ASTN2: variants seen among roughly 807,000 people sequenced by gnomAD.
ASTN2 encodes the protein astrotactin-2.
In ASTN2, 54 loss-of-function variants were observed where a neutral mutation model predicts 139.8. The ratio of observed to expected loss-of-function variants is 0.39; its 90% CI spans 0.31 to 0.48. The LOEUF (loss-of-function observed/expected upper bound fraction) is 0.48. Ranked by LOEUF, ASTN2 falls within the 20% of genes least tolerant of loss-of-function variation. The pLI is 0.95. For missense variants in ASTN2, 1,565 were observed against 1,725.1 expected (o/e 0.91, Z 1.64); for synonymous variants, 756 against 719.5 (o/e 1.05, Z -0.81).
At chr9:117,072,859 G>A (rs1828171738) in intron 5 of ASTN2, among the ~76,000 whole-genome samples, 1 of 152,090 alleles carries the variant, frequency 6.6e-6, no homozygotes, top group Non-Finnish European at 1.5e-5. Flanking sequence ...GCATACAAAG[G>A]GTTAGGTATC....
intron 13 of ASTN2, among the ~76,000 whole-genome samples, chr9:116,794,715 G>A (rs1184682264): frequency 2.0e-5 from 3 of 152,166 alleles, no homozygotes; most frequent in Admixed American, 2.0e-4. Context: ...ATCTGCCTAT[G>A]CCCCTCAAAC....
At chr9:116,500,822 T>A (rs1849829187) in intron 19 of ASTN2, among the ~76,000 whole-genome samples, 2 of 152,160 alleles carry the variant, frequency 1.3e-5, no homozygotes, top group Non-Finnish European at 2.9e-5. Context: ...TGGTAAATAA[T>A]AAACAGCAGC....
chr9:117,345,561 G>A (rs1829190609), intron 1 of ASTN2, among the ~76,000 whole-genome samples: 1 of 152,158 alleles, frequency 6.6e-6, no homozygotes, highest in South Asian at 2.1e-4. Context: ...GGCAGAGCTT[G>A]GTTTTCAAAC....
At chr9:117,392,513 C>T (rs1830569009) in intron 1 of ASTN2, among the ~76,000 whole-genome samples, 1 of 152,174 alleles carries the variant, frequency 6.6e-6, no homozygotes, top group Non-Finnish European at 1.5e-5. Context: ...AAGAGCTCCT[C>T]TTAATACCGA....
At chr9:116,653,853 C>G (rs1858058780) in intron 16 of ASTN2, among the ~76,000 whole-genome samples, 3 of 152,198 alleles carry the variant, frequency 2.0e-5, no homozygotes, top group African/African-American at 7.2e-5. Flanking sequence ...TTATGAGCAT[C>G]AGATCAAAGG....
At chr9:116,509,919 C>G (rs894953126) in intron 19 of ASTN2, among the ~76,000 whole-genome samples, 16 of 152,032 alleles carry the variant, frequency 1.1e-4, no homozygotes, top group Non-Finnish European at 1.8e-4. Flanking sequence ...CTTTGTCAGA[C>G]AGGTAGATTG....
chr9:116,982,107 G>C (rs1297620924), intron 7 of ASTN2, among the ~76,000 whole-genome samples: 3 of 152,218 alleles, frequency 2.0e-5, no homozygotes, highest in Non-Finnish European at 4.4e-5. Context: ...CTTCCAAACA[G>C]GACAATGCTT....
chr9:116,839,882 T>TTATTATTATTA (rs1491254776), intron 11 of ASTN2, among the ~76,000 whole-genome samples: 8 of 61,818 alleles, frequency 1.3e-4, no homozygotes, highest in African/African-American at 4.9e-4. Context: ...ATTATTATTA[T>TTATTATTATTA]TTTTTTTTTT....
At chr9:117,250,993 G>T (rs1833520342) in intron 2 of ASTN2, among the ~76,000 whole-genome samples, 1 of 152,200 alleles carries the variant, frequency 6.6e-6, no homozygotes. Context: ...GTTCAGAAGG[G>T]CTGAAGCAGG....
At chr9:116,645,650 C>G (rs926561468) in intron 17 of ASTN2, among the ~76,000 whole-genome samples, 1 of 152,142 alleles carries the variant, frequency 6.6e-6, no homozygotes, top group South Asian at 2.1e-4. Context: ...AGCCTCTACT[C>G]CAGGGGTAGG....
intron 3 of ASTN2, among the ~76,000 whole-genome samples, chr9:117,148,697 G>A (rs533539411): frequency 6.6e-6 from 1 of 152,102 alleles, no homozygotes; most frequent in African/African-American, 2.4e-5. Context: ...CAGGTATTTG[G>A]CCAAACATTA....
intron 2 of ASTN2, among the ~76,000 whole-genome samples, chr9:117,241,841 G>C (rs926386898): frequency 6.6e-6 from 1 of 151,734 alleles, no homozygotes; most frequent in Non-Finnish European, 1.5e-5. Context: ...GAGAACATGT[G>C]ATCCTTCTAA....
intron 10 of ASTN2, among the ~76,000 whole-genome samples, chr9:116,949,129 C>T (rs575546355): frequency 1.6e-4 from 24 of 151,984 alleles, no homozygotes; most frequent in Admixed American, 1.1e-3. Flanking sequence ...TAGTACTTCT[C>T]AAAATATATC....
At chr9:116,646,027 CTT>C (rs767288065) in intron 17 of ASTN2, among the ~76,000 whole-genome samples, 1 of 152,170 alleles carries the variant, frequency 6.6e-6, no homozygotes, top group Non-Finnish European at 1.5e-5. Context: ...TTCATTATCT[CTT>C]TTGATTCCCA....
intron 1 of ASTN2, among the ~76,000 whole-genome samples, chr9:117,333,338 G>A (rs1452684637): frequency 6.6e-6 from 1 of 152,032 alleles, no homozygotes; most frequent in African/African-American, 2.4e-5. Flanking sequence ...GAAAAATAAT[G>A]TGTTCTCTTG....
chr9:117,030,457 C>T (rs891621050), intron 6 of ASTN2, among the ~76,000 whole-genome samples: 5 of 152,272 alleles, frequency 3.3e-5, no homozygotes, highest in South Asian at 2.1e-4. Flanking sequence ...CAATTTTGGA[C>T]GTCAAACTCA....
At chr9:116,650,387 C>T (rs915986035) in intron 17 of ASTN2, among the ~76,000 whole-genome samples, 35 of 151,744 alleles carry the variant, frequency 2.3e-4, no homozygotes, top group Admixed American at 2.2e-3. Flanking sequence ...GTGAGAGAAC[C>T]GAAGAGAAAA....
intron 3 of ASTN2, among the ~76,000 whole-genome samples, chr9:117,166,234 A>T (rs1830667581): frequency 6.6e-6 from 1 of 152,042 alleles, no homozygotes; most frequent in African/African-American, 2.4e-5. Flanking sequence ...AGAGACACAA[A>T]AAACAAATAT....
At chr9:117,355,297 A>G (rs575262380) in intron 1 of ASTN2, among the ~76,000 whole-genome samples, 163 of 152,250 alleles carry the variant, frequency 1.1e-3, no homozygotes, top group Non-Finnish European at 1.8e-3. Flanking sequence ...ATTCAAACCC[A>G]TATTCAGAGT....
Sources: allele counts gnomAD v4.1 joint callset (sites outside exome capture counted in the v4.1 genomes callset), GRCh38; gene constraint gnomAD v4.1.1; transcripts MANE v1.5; gene names NCBI Gene and HGNC (gene_info 2026-07-23, HGNC 2026-07-21).